The following CENPP variants were observed in gnomAD, a reference collection of about 807,000 sequenced individuals.
CENPP encodes centromere protein P.
A neutral mutation model predicts 35.6 loss-of-function variants in CENPP; 24 were observed. The ratio of observed to expected loss-of-function variants is 0.67; its 90% CI spans 0.49 to 0.95. The LOEUF (loss-of-function observed/expected upper bound fraction) is 0.95. Ranked by LOEUF, CENPP falls within the 40% of genes least tolerant of loss-of-function variation. The pLI is 0.00. For synonymous variants in CENPP, 120 were observed against 125.5 expected (o/e 0.96, Z 0.29); for missense variants, 332 against 345.3 (o/e 0.96, Z 0.31).
intron 5 of CENPP, among the ~76,000 whole-genome samples, chr9:92,473,589 T>A (rs1487181477): frequency 6.6e-6 from 1 of 152,232 alleles, no homozygotes; most frequent in Non-Finnish European, 1.5e-5. Flanking sequence ...TCGTTCTACA[T>A]GAACAAGTTT....
chr9:92,612,527 G>T lies in CENPP; in HGVS notation c.649G>T (p.Glu217Ter). Residue 217 changes from glutamate to a stop codon, truncating the protein, a stop_gained, in exon 7 of 8, where the codon GAA becomes TAA. Coordinates refer to ENST00000375587, the MANE Select transcript of CENPP (RefSeq NM_001012267.3). LOFTEE classifies it high-confidence loss of function. ...CATGTTTTACTGCTTTTTCAGGTTT[G>T]AATTAGTCATTGTTTGGAGGATACA... ...GIRSASRPGF[E>*]LVIVWRIQID... 6.2e-7 allele frequency: 1 copy of T among 1,612,814 alleles called. No individual in the cohort carries two copies. The highest frequency in any genetic ancestry group is 8.5e-7 in the Non-Finnish European group (1 of 1,178,840).
At chr9:92,595,828 C>T (rs2131380044) in intron 5 of CENPP, among the ~76,000 whole-genome samples, 1 of 152,178 alleles carries the variant, frequency 6.6e-6, no homozygotes, top group Non-Finnish European at 1.5e-5. Flanking sequence ...TCCCAAAGGG[C>T]TGGGATTGAA....
intron 5 of CENPP, among the ~76,000 whole-genome samples, chr9:92,435,176 T>C (rs146013127): frequency 2.3e-4 from 35 of 152,328 alleles, no homozygotes; most frequent in African/African-American, 8.4e-4. Context: ...TTTTCAAGAT[T>C]CAGATGTTTG....
intron 4 of CENPP, among the ~76,000 whole-genome samples, chr9:92,362,608 T>A (rs940271873): frequency 7.9e-5 from 12 of 152,182 alleles, no homozygotes; most frequent in Non-Finnish European, 1.5e-4. Context: ...ACTAATTTTT[T>A]CTCCTTTGGC....
chr9:92,431,258 A>G (rs1055746226), intron 5 of CENPP, among the ~76,000 whole-genome samples: 1 of 152,206 alleles, frequency 6.6e-6, no homozygotes, highest in Non-Finnish European at 1.5e-5. Context: ...GACTGTTTCC[A>G]TACACTAGAT....
chr9:92,456,739 A>G (rs1844892389), intron 5 of CENPP: 2 of 164,946 alleles, frequency 1.2e-5, no homozygotes, highest in Non-Finnish European at 2.5e-5. Context: ...TTAAACATAA[A>G]GACGGGCTCT....
intron 5 of CENPP, among the ~76,000 whole-genome samples, chr9:92,527,127 G>A (rs904281283): frequency 1.3e-5 from 2 of 152,104 alleles, no homozygotes; most frequent in Non-Finnish European, 2.9e-5. Flanking sequence ...TCACACCTCA[G>A]CCTCCCGAGT....
chr9:92,515,105 G>T (rs1847618618), intron 5 of CENPP: 1 of 1,613,898 alleles, frequency 6.2e-7, no homozygotes, highest in South Asian at 1.1e-5. Context: ...GGTGGCAGTT[G>T]CTTATGAAGT....
At chr9:92,494,186 C>A in intron 5 of CENPP, 2 of 1,583,104 alleles carry the variant, frequency 1.3e-6, no homozygotes, top group South Asian at 1.1e-5. Flanking sequence ...ATGAATGAAT[C>A]GTTTAGTATC....
At chr9:92,367,860 C>A (rs896678270) in intron 4 of CENPP, among the ~76,000 whole-genome samples, 1 of 152,180 alleles carries the variant, frequency 6.6e-6, no homozygotes, top group African/African-American at 2.4e-5. Flanking sequence ...AGGCGATTCA[C>A]CCGCCTTAGC....
intron 5 of CENPP, among the ~76,000 whole-genome samples, chr9:92,411,043 C>T (rs538297490): frequency 2.6e-5 from 4 of 152,094 alleles, no homozygotes; most frequent in African/African-American, 4.8e-5. Flanking sequence ...GGTGCAATCT[C>T]GGCTCACTGC....
chr9:92,344,705 G>A (rs1209133549), intron 3 of CENPP, among the ~76,000 whole-genome samples: 3 of 151,494 alleles, frequency 2.0e-5, no homozygotes, highest in African/African-American at 7.3e-5. Flanking sequence ...CTGCCACGAC[G>A]CCTAGCTAAT....
intron 5 of CENPP, among the ~76,000 whole-genome samples, chr9:92,424,743 C>T (rs529094987): frequency 6.6e-6 from 1 of 152,284 alleles, no homozygotes; most frequent in Non-Finnish European, 1.5e-5. Context: ...GGTGCAACCT[C>T]GGCTCACCAC....
chr9:92,594,046 A>G (rs752744861), intron 5 of CENPP, among the ~76,000 whole-genome samples: 1 of 152,246 alleles, frequency 6.6e-6, no homozygotes, highest in Non-Finnish European at 1.5e-5. Flanking sequence ...AATTATAACA[A>G]ACATCCCACA....
At chr9:92,579,581 C>T (rs1363239442) in intron 5 of CENPP, among the ~76,000 whole-genome samples, 1 of 151,936 alleles carries the variant, frequency 6.6e-6, no homozygotes, top group Non-Finnish European at 1.5e-5. Context: ...TGGGAGTTCA[C>T]TCATGATTTG....
At chr9:92,511,935 C>A in intron 5 of CENPP, 2 of 1,117,174 alleles carry the variant, frequency 1.8e-6, no homozygotes, top group Non-Finnish European at 2.6e-6. Flanking sequence ...TCCTTTTCCT[C>A]CCTTCCCCAT....
At chr9:92,501,092 G>A in intron 5 of CENPP, 2 of 1,582,390 alleles carry the variant, frequency 1.3e-6, no homozygotes, top group Non-Finnish European at 1.7e-6. Flanking sequence ...AGGGACATCA[G>A]GATGGTGATC....
chr9:92,600,578 C>G, intron 5 of CENPP: 1 of 1,606,942 alleles, frequency 6.2e-7, no homozygotes, highest in Admixed American at 1.7e-5. Context: ...CAAGCCCTTG[C>G]GAGGGTTCTG....
intron 6 of CENPP, 93 bp downstream of exon 6, chr9:92,611,486 T>C: frequency 2.1e-6 from 2 of 959,664 alleles, no homozygotes; most frequent in Non-Finnish European, 3.1e-6. Context: ...AGTAGTAAAC[T>C]ACCTAACCAA....
Sources: gnomAD v4.1 joint callset for allele counts (sites outside exome capture counted in the v4.1 genomes callset) on GRCh38, gnomAD v4.1.1 for gene constraint, MANE v1.5 for transcripts, NCBI Gene and HGNC (gene_info 2026-07-23, HGNC 2026-07-21) for gene names.